Variants in TENM3 observed in about 807,000 individuals in gnomAD.
The protein encoded by TENM3 is teneurin transmembrane protein 3, also known as teneurin-3.
In TENM3, 63 loss-of-function variants were observed where a neutral mutation model predicts 255.1. The ratio of observed to expected loss-of-function variants is 0.25; its 90% CI spans 0.20 to 0.30. The LOEUF is 0.30. Ranked by LOEUF, TENM3 falls within the 10% of genes least tolerant of loss-of-function variation. The probability of loss-of-function intolerance (pLI) is 1.00; values close to 1 mark genes in which losing one functional copy is unlikely to be tolerated. For missense variants in TENM3, 2,929 were observed against 3,461.1 expected (o/e 0.85, Z 3.86); for synonymous variants, 1,306 against 1,322.3 (o/e 0.99, Z 0.27).
chr4:182,242,129 T>A (rs1196526268), upstream of TENM3, among the ~76,000 whole-genome samples: 1 of 126,104 alleles, frequency 7.9e-6, no homozygotes, highest in Non-Finnish European at 1.6e-5. Flanking sequence ...TACATATATA[T>A]ACATGTGCCA....
the TENM3 span, among the ~76,000 whole-genome samples, chr4:181,816,901 A>G: frequency 1.3e-5 from 2 of 152,220 alleles, no homozygotes; most frequent in African/African-American, 4.8e-5. Context: ...AAAGTAACTA[A>G]CATATATCTG....
the TENM3 span, among the ~76,000 whole-genome samples, chr4:181,487,173 G>A: frequency 1.3e-5 from 2 of 152,158 alleles, 1 homozygote. Flanking sequence ...TTTTCAACTA[G>A]AAGATAGAGG....
At chr4:182,124,437 C>A in the TENM3 span, among the ~76,000 whole-genome samples, 1 of 152,088 alleles carries the variant, frequency 6.6e-6, no homozygotes, top group Non-Finnish European at 1.5e-5. Context: ...AAAGAGAGAT[C>A]TGAACTGGAA....
chr4:181,964,923 G>A, the TENM3 span, among the ~76,000 whole-genome samples: 26 of 152,240 alleles, frequency 1.7e-4, no homozygotes, highest in East Asian at 5.0e-3. Flanking sequence ...GTTCAATGTG[G>A]TATCAGTATT....
the TENM3 span, among the ~76,000 whole-genome samples, chr4:181,708,573 AT>A: frequency 1.8e-3 from 64 of 35,412 alleles, no homozygotes; most frequent in South Asian, 4.7e-3. Flanking sequence ...TAACTGAAGG[AT>A]TTTTTTTTTT....
chr4:182,387,893 A>G (rs752435014), intron 3 of TENM3, among the ~76,000 whole-genome samples: 1 of 150,392 alleles, frequency 6.6e-6, no homozygotes, highest in Non-Finnish European at 1.5e-5. Context: ...GAACCCACCA[A>G]TTCCGGACAC....
At chr4:181,711,282 A>G in the TENM3 span, among the ~76,000 whole-genome samples, 1 of 152,146 alleles carries the variant, frequency 6.6e-6, no homozygotes, top group Non-Finnish European at 1.5e-5. Flanking sequence ...AAATACCATC[A>G]TTTGGTCAAT....
chr4:182,657,660 T>C lies in TENM3; in HGVS notation c.1111+3767T>C, dbSNP rs567108051. Among the ~76,000 whole-genome samples, 59 of 152,302 alleles carry C rather than the reference T, an allele frequency of 3.9e-4. 1 individual carries two copies. The South Asian group carries it at 0.01, about 26-fold the overall frequency. ...TTTATTTATTTTATTTGTTTATTTA[T>C]TTACTTATTTTGAGACAGGGTCTCA... On this transcript the variant is annotated intron_variant, in intron 6 of 27. Coordinates refer to ENST00000511685, the MANE Select transcript of TENM3 (RefSeq NM_001080477.4).
At chr4:182,719,702 TAAGA>T (rs1259634771) in intron 13 of TENM3, among the ~76,000 whole-genome samples, 1 of 151,776 alleles carries the variant, frequency 6.6e-6, no homozygotes, top group African/African-American at 2.4e-5. Flanking sequence ...TATTCAGAAA[TAAGA>T]AAGATAGAAA....
At chr4:181,998,325 C>A in the TENM3 span, among the ~76,000 whole-genome samples, 17 of 152,236 alleles carry the variant, frequency 1.1e-4, no homozygotes, top group South Asian at 1.0e-3. Context: ...GTGAACATCA[C>A]CTACAGAGGC....
rs151284524 is a variant in TENM3, at chr4:182,794,168, A to T, written c.7213+283A>T. 2.0e-5 allele frequency among the ~76,000 whole-genome samples: 3 copies of T among 152,302 alleles called. No individual in the cohort carries two copies. The East Asian group carries it at 5.8e-4, about 29-fold the overall frequency. On this transcript the variant is annotated intron_variant, in intron 26 of 27. Coordinates refer to ENST00000511685, the MANE Select transcript of TENM3 (RefSeq NM_001080477.4). ...AGAAGGGGAACATGGGGGACCAAAA[A>T]ACATGATGAACACAGAGTCCCAAAA...
chr4:182,634,218 A>G (rs1751647905), intron 5 of TENM3, among the ~76,000 whole-genome samples: 1 of 152,204 alleles, frequency 6.6e-6, no homozygotes, highest in East Asian at 1.9e-4. Flanking sequence ...AGTAAGTTGT[A>G]GAAACCAAAG....
chr4:182,541,187 TAAAAGCATGGTGTTTTTG>T (rs1186697777), intron 3 of TENM3, among the ~76,000 whole-genome samples: 2 of 152,210 alleles, frequency 1.3e-5, no homozygotes, highest in Non-Finnish European at 2.9e-5. Flanking sequence ...TTTGGTTTTT[TAAAAGCATGGTGTTTTTG>T]AAAAACTGAG....
At chr4:182,770,858 C>A (rs1013232900) in intron 22 of TENM3, among the ~76,000 whole-genome samples, 1 of 152,182 alleles carries the variant, frequency 6.6e-6, no homozygotes. Flanking sequence ...ACCCTGACAC[C>A]GGAGCAGCCT....
At chr4:181,825,188 G>C in the TENM3 span, among the ~76,000 whole-genome samples, 1 of 152,088 alleles carries the variant, frequency 6.6e-6, no homozygotes, top group Non-Finnish European at 1.5e-5. Context: ...GGATCATGAG[G>C]TCAAGAGACC....
At chr4:182,016,720 A>G in the TENM3 span, among the ~76,000 whole-genome samples, 5 of 152,304 alleles carry the variant, frequency 3.3e-5, no homozygotes, top group East Asian at 9.6e-4. Context: ...TAAACTAATA[A>G]CGATTCCTTT....
At chr4:181,542,404 A>G in the TENM3 span, among the ~76,000 whole-genome samples, 17 of 152,290 alleles carry the variant, frequency 1.1e-4, no homozygotes, top group African/African-American at 3.6e-4. Context: ...GTGGGAAGCC[A>G]TTAAAGGTTT....
the TENM3 span, among the ~76,000 whole-genome samples, chr4:181,645,187 A>G: frequency 6.6e-6 from 1 of 152,208 alleles, no homozygotes; most frequent in Non-Finnish European, 1.5e-5. Context: ...AAAAATCTCC[A>G]ATAGGGAGAG....
the TENM3 span, among the ~76,000 whole-genome samples, chr4:181,958,246 G>A: frequency 6.6e-6 from 1 of 152,098 alleles, no homozygotes; most frequent in Admixed American, 6.5e-5. Flanking sequence ...GCAGTTGCAG[G>A]GGTGATTAAG....
Sources: allele counts gnomAD v4.1 joint callset (sites outside exome capture counted in the v4.1 genomes callset), GRCh38; gene constraint gnomAD v4.1.1; transcripts MANE v1.5; gene names NCBI Gene and HGNC (gene_info 2026-07-23, HGNC 2026-07-21).